Variants in MYO1D observed in about 807,000 individuals in gnomAD.
The protein encoded by MYO1D is unconventional myosin-Id.
Under a neutral mutation model 122.0 loss-of-function variants are expected in MYO1D, and 83 were observed. That is an observed-to-expected ratio of 0.68 (90% CI 0.57 to 0.82). The LOEUF (loss-of-function observed/expected upper bound fraction) is 0.82. MYO1D is among the 40% of genes least tolerant of loss of function. The pLI is 0.00. For synonymous variants in MYO1D, 464 were observed against 446.9 expected, an observed-to-expected ratio of 1.04 and a Z score of -0.48; for missense variants, 1,157 against 1,269.5, an observed-to-expected ratio of 0.91 and a Z score of 1.35.
At position 32,760,299 on chromosome 17, in the gene MYO1D, G is replaced by C. The variant is rs189512321; in HGVS notation, c.1287C>G (p.Pro429=). ...EQEEYQREGI[P]WKHIDYFNNQ... is the part of the protein sequence containing the mutation. ...ATAAGAGTCCACTCACATGTTTCCA[G>C]GGGATCCCTTCCCGCTGGTATTCCT... Residue 429 remains proline, a synonymous_variant, in exon 10 of 22, where the codon CCC becomes CCG. Transcript: ENST00000318217. 1.9e-5 allele frequency: 31 copies of C among 1,608,588 alleles called. No individual in the cohort carries two copies. In the African/African-American group the frequency reaches 3.9e-4, roughly 20 times the overall value.
At position 32,837,068 on chromosome 17, in the gene MYO1D, G is replaced by A. The variant is rs562524193; in HGVS notation, c.95+39710C>T. The stretch of plus-strand genomic sequence containing the variant: ...ATATTTTTTTCCTTTTTTTTAAATG[G>A]TTCATTCTGAATCCTCACCAATATT... On this transcript the variant is annotated intron_variant, in intron 1 of 21. Coordinates refer to ENST00000318217, the MANE Select transcript of MYO1D (RefSeq NM_015194.3). Among the ~76,000 whole-genome samples the A allele has an allele frequency of 2.0e-5, 3 of 151,766 alleles. No homozygotes were observed. The South Asian group carries it at 6.2e-4, about 32-fold the overall frequency.
intron 12 of MYO1D, among the ~76,000 whole-genome samples, chr17:32,746,706 C>T (rs574552145): frequency 5.7e-4 from 86 of 152,154 alleles, no homozygotes; most frequent in Non-Finnish European, 1.1e-3. Flanking sequence ...ATAGAAGATA[C>T]TCAGTAAAAA....
chr17:32,626,238 G>A (rs1220428236), intron 20 of MYO1D, among the ~76,000 whole-genome samples: 1 of 152,196 alleles, frequency 6.6e-6, no homozygotes, highest in Non-Finnish European at 1.5e-5. Context: ...GAATAAAAGA[G>A]AGCTCTGATA....
At chr17:32,811,616 CTTTTTTTTTTT>C (rs755189217) in intron 1 of MYO1D, among the ~76,000 whole-genome samples, 25 of 57,540 alleles carry the variant, frequency 4.3e-4, no homozygotes, top group Middle Eastern at 0.016. Flanking sequence ...CCCTCACCCT[CTTTTTTTTTTT>C]TTTTTTTTTT....
chr17:32,752,467 C>A (rs2089907766), intron 11 of MYO1D, among the ~76,000 whole-genome samples: 1 of 152,116 alleles, frequency 6.6e-6, no homozygotes, highest in African/African-American at 2.4e-5. Context: ...AAATAACCAA[C>A]AGAGTAAACA....
intron 16 of MYO1D, among the ~76,000 whole-genome samples, chr17:32,663,003 C>T (rs1359227593): frequency 6.6e-6 from 1 of 151,116 alleles, no homozygotes; most frequent in African/African-American, 2.4e-5. Context: ...CTGCAAGCTC[C>T]ACCTCCTGGG....
chr17:32,534,061 C>T (rs978513751), intron 21 of MYO1D, among the ~76,000 whole-genome samples: 25 of 152,068 alleles, frequency 1.6e-4, no homozygotes, highest in South Asian at 2.1e-4. Context: ...AATTTCTGCA[C>T]GGCAAAATTA....
intron 21 of MYO1D, among the ~76,000 whole-genome samples, chr17:32,552,921 T>A (rs2087031205): frequency 6.6e-6 from 1 of 152,010 alleles, no homozygotes; most frequent in Non-Finnish European, 1.5e-5. Flanking sequence ...GCATCAACCA[T>A]TACCAAAACA....
intron 14 of MYO1D, among the ~76,000 whole-genome samples, chr17:32,721,485 T>C (rs1430093302): frequency 6.6e-6 from 1 of 152,160 alleles, no homozygotes; most frequent in East Asian, 1.9e-4. Flanking sequence ...TTTCTGTGTA[T>C]TTATGAAAAC....
chr17:32,606,193 A>G (rs1400287507), intron 20 of MYO1D, among the ~76,000 whole-genome samples: 1 of 152,228 alleles, frequency 6.6e-6, no homozygotes, highest in Non-Finnish European at 1.5e-5. Context: ...TCTGTTGAAG[A>G]AATTAGATTT....
chr17:32,659,081 T>C (rs772211268), intron 17 of MYO1D, 34 bp downstream of exon 17: 1 of 1,578,318 alleles, frequency 6.3e-7, no homozygotes, highest in Admixed American at 1.7e-5. Flanking sequence ...TGTGCCACCA[T>C]AAATGGATGC....
At chr17:32,875,461 GCA>G (rs1340772101) in intron 1 of MYO1D, among the ~76,000 whole-genome samples, 1 of 152,134 alleles carries the variant, frequency 6.6e-6, no homozygotes, top group African/African-American at 2.4e-5. Flanking sequence ...GAAGACTGAG[GCA>G]CAGAGAGGTT....
intron 19 of MYO1D, among the ~76,000 whole-genome samples, chr17:32,644,098 A>G (rs1306142033): frequency 6.6e-6 from 1 of 151,678 alleles, no homozygotes; most frequent in Non-Finnish European, 1.5e-5. Flanking sequence ...TGTGTCCCAG[A>G]GATTCTGGTA....
intron 21 of MYO1D, chr17:32,519,140 T>C (rs951709983): frequency 1.3e-5 from 2 of 152,444 alleles, no homozygotes; most frequent in African/African-American, 4.8e-5. Flanking sequence ...GCGGCTGTCA[T>C]GTCTCCTAGC....
intron 1 of MYO1D, among the ~76,000 whole-genome samples, chr17:32,827,361 T>A (rs927593198): frequency 6.6e-6 from 1 of 152,142 alleles, no homozygotes; most frequent in Non-Finnish European, 1.5e-5. Flanking sequence ...AAAAAATTCA[T>A]AGAGGCAGAA....
At chr17:32,849,058 G>GA (rs2090962279) in intron 1 of MYO1D, among the ~76,000 whole-genome samples, 2 of 152,082 alleles carry the variant, frequency 1.3e-5, no homozygotes, top group South Asian at 4.1e-4. Flanking sequence ...TGTTTTCCAT[G>GA]AAAAAATGCT....
At chr17:32,571,397 C>T (rs2087226381) in intron 21 of MYO1D, among the ~76,000 whole-genome samples, 1 of 152,202 alleles carries the variant, frequency 6.6e-6, no homozygotes, top group Non-Finnish European at 1.5e-5. Context: ...CTTTCTTCTG[C>T]TCCCCTGGGC....
rs148696331 is a variant in MYO1D, at chr17:32,517,630, G to A, written c.2865-22715C>T. 5.0e-3 allele frequency among the ~76,000 whole-genome samples: 757 copies of A among 152,156 alleles called. 4 individuals are homozygous for A. The highest frequency in any genetic ancestry group is 7.0e-3 in the Non-Finnish European group (474 of 68,002). On this transcript the variant is annotated intron_variant, in intron 21 of 21. Transcript: ENST00000318217. ...CTGGGTGATTTTCCTGTGCACCACC[G>A]CTTTAAACCGTTTAAGCATCACCCT...
At chr17:32,692,435 A>G (rs1168368328) in intron 16 of MYO1D, among the ~76,000 whole-genome samples, 1 of 152,222 alleles carries the variant, frequency 6.6e-6, no homozygotes, top group Non-Finnish European at 1.5e-5. Context: ...TCTTAGCTCA[A>G]TGAAATACGT....
Sources: gnomAD v4.1 joint callset for allele counts (sites outside exome capture counted in the v4.1 genomes callset) on GRCh38, gnomAD v4.1.1 for gene constraint, MANE v1.5 for transcripts, NCBI Gene and HGNC (gene_info 2026-07-23, HGNC 2026-07-21) for gene names.